The following ELMO1 variants were observed in gnomAD, a reference collection of about 807,000 sequenced individuals.
ELMO1 encodes engulfment and cell motility protein 1.
In ELMO1, 26 loss-of-function variants were observed where a neutral mutation model predicts 98.9. That is an observed-to-expected ratio of 0.26 (90% confidence interval 0.19 to 0.36). ELMO1 has a LOEUF of 0.36. ELMO1 is among the 10% of genes least tolerant of loss of function. The probability of loss-of-function intolerance (pLI) is 1.00; values close to 1 mark genes in which losing one functional copy is unlikely to be tolerated. For missense variants in ELMO1, 627 were observed against 935.2 expected (o/e 0.67, Z 4.30); for synonymous variants, 346 against 346.0 (o/e 1.00, Z 0.00).
intron 1 of ELMO1, among the ~76,000 whole-genome samples, chr7:37,387,786 G>C (rs1170038542): frequency 1.3e-5 from 2 of 152,190 alleles, no homozygotes; most frequent in African/African-American, 4.8e-5. Context: ...AAATCAATCT[G>C]TTTGCTTTAT....
chr7:37,151,047 C>G (rs1788322578), intron 13 of ELMO1, among the ~76,000 whole-genome samples: 1 of 152,190 alleles, frequency 6.6e-6, no homozygotes, highest in Non-Finnish European at 1.5e-5. Flanking sequence ...CCCAAGTCAG[C>G]CCTCTGCAGT....
At chr7:36,878,153 T>C (rs768811227) in intron 18 of ELMO1, 36 bp from the exon 19 acceptor site, 24 of 1,522,556 alleles carry the variant, frequency 1.6e-5, no homozygotes, top group Non-Finnish European at 1.6e-5. Context: ...AGGTAAGTGA[T>C]TGTGGTTTAT....
chr7:37,052,166 G>C (rs1796143269), intron 15 of ELMO1, among the ~76,000 whole-genome samples: 2 of 152,166 alleles, frequency 1.3e-5, no homozygotes, highest in South Asian at 4.1e-4. Flanking sequence ...CCCACAGAAG[G>C]GCAGAAGCAC....
chr7:36,984,458 C>G (rs1791346647), intron 16 of ELMO1, among the ~76,000 whole-genome samples: 1 of 152,198 alleles, frequency 6.6e-6, no homozygotes, highest in Non-Finnish European at 1.5e-5. Flanking sequence ...CTCCCAGACA[C>G]CCAGTCGCCC....
chr7:37,357,915 T>C (rs879124645), intron 1 of ELMO1, among the ~76,000 whole-genome samples: 5 of 152,192 alleles, frequency 3.3e-5, no homozygotes, highest in Admixed American at 3.3e-4. Context: ...AATGCATAGA[T>C]AAATAAGATC....
At chr7:37,257,218 C>T (rs1795712991) in intron 6 of ELMO1, among the ~76,000 whole-genome samples, 1 of 152,212 alleles carries the variant, frequency 6.6e-6, no homozygotes, top group South Asian at 2.1e-4. Flanking sequence ...CAGGAAGGGA[C>T]ATTCCTTCCT....
At chr7:37,116,994 T>C (rs528024279) in intron 14 of ELMO1, 1 of 212,422 alleles carries the variant, frequency 4.7e-6, no homozygotes, top group East Asian at 1.1e-4. Flanking sequence ...CTCCATCAAG[T>C]TGTGGGAGGA....
In ELMO1 at chr7:37,331,238, C is replaced by T. The variant is rs191946704; in HGVS notation, c.78+11375G>A. ...AAGTTGGAGTGCAGTGGTGCAATCTCGGCTCACTGCAAGCTCTGCCTCCCG... is the reference window on the plus strand; with the variant it reads ...AAGTTGGAGTGCAGTGGTGCAATCTTGGCTCACTGCAAGCTCTGCCTCCCG... On this transcript the variant is annotated intron_variant, in intron 2 of 21. Transcript: ENST00000310758. 4.9e-3 allele frequency among the ~76,000 whole-genome samples: 741 copies of T among 150,632 alleles called. 3 individuals carry two copies. Among genetic ancestry groups the T allele is most frequent in the Non-Finnish European group, 7.9e-3 (534 of 67,774 alleles).
At chr7:37,397,509 C>T (rs1354242910) in intron 1 of ELMO1, among the ~76,000 whole-genome samples, 1 of 152,136 alleles carries the variant, frequency 6.6e-6, no homozygotes. Context: ...TGCAGCTGGA[C>T]CCCTCAGATC....
chr7:37,049,646 G>A (rs766794162), intron 15 of ELMO1, among the ~76,000 whole-genome samples: 1 of 152,010 alleles, frequency 6.6e-6, no homozygotes, highest in Non-Finnish European at 1.5e-5. Context: ...GCTTTCTTCA[G>A]GAGGAGAGGG....
intron 1 of ELMO1, among the ~76,000 whole-genome samples, chr7:37,381,265 C>G (rs1414394152): frequency 6.6e-6 from 1 of 152,248 alleles, no homozygotes; most frequent in Non-Finnish European, 1.5e-5. Context: ...TGTCCAACTT[C>G]ACAGTCCGTG....
At chr7:37,162,287 G>C (rs1017681234) in intron 13 of ELMO1, among the ~76,000 whole-genome samples, 2 of 152,096 alleles carry the variant, frequency 1.3e-5, no homozygotes, top group African/African-American at 4.8e-5. Flanking sequence ...CCAGGTGCTG[G>C]AGGGGCAAAG....
In ELMO1 at chr7:37,349,339, C is replaced by T. The variant is rs182562589; in HGVS notation, c.-73-6576G>A. On this transcript the variant is annotated intron_variant, in intron 1 of 21. Coordinates refer to ENST00000310758, the MANE Select transcript of ELMO1 (RefSeq NM_014800.11). ...TAGAAAAAGACATAGACCACATTTT[C>T]CCCTTGCATTAGGTTAGGCAGAAAG... 7.2e-5 allele frequency among the ~76,000 whole-genome samples: 11 copies of T among 152,318 alleles called. No homozygotes were observed. The East Asian group carries it at 1.9e-3, about 27-fold the overall frequency.
chr7:37,128,010 C>T (rs764163518), intron 14 of ELMO1, among the ~76,000 whole-genome samples: 12 of 151,976 alleles, frequency 7.9e-5, no homozygotes, highest in African/African-American at 4.8e-5. Context: ...CTGGCCAACA[C>T]GGCGAAACCC....
At chr7:36,999,497 G>A (rs78349376) in intron 16 of ELMO1, among the ~76,000 whole-genome samples, 1,596 of 152,294 alleles carry the variant, frequency 0.01, 42 homozygotes, top group East Asian at 0.069. Flanking sequence ...GCTAGGGTGT[G>A]AATCCCACTC....
intron 16 of ELMO1, among the ~76,000 whole-genome samples, chr7:36,949,472 C>T (rs1787788188): frequency 6.6e-6 from 1 of 152,026 alleles, no homozygotes; most frequent in Non-Finnish European, 1.5e-5. Flanking sequence ...GCCACACCCT[C>T]TCTCGGTGGC....
chr7:37,440,270 T>G (rs938129858), intron 1 of ELMO1, among the ~76,000 whole-genome samples: 1 of 151,892 alleles, frequency 6.6e-6, no homozygotes, highest in African/African-American at 2.4e-5. Flanking sequence ...GGTGAAACCT[T>G]GTCTCCACTA....
At chr7:37,022,757 G>C (rs923889483) in intron 15 of ELMO1, among the ~76,000 whole-genome samples, 12 of 152,092 alleles carry the variant, frequency 7.9e-5, no homozygotes, top group African/African-American at 2.9e-4. Flanking sequence ...GCATACATAC[G>C]CATTCCAAGA....
intron 15 of ELMO1, among the ~76,000 whole-genome samples, chr7:37,053,331 C>CACACACAG (rs1491059293): frequency 6.8e-6 from 1 of 147,622 alleles, no homozygotes; most frequent in African/African-American, 2.5e-5. Context: ...CACACACACA[C>CACACACAG]AGAAAACAAC....
Sources: allele counts gnomAD v4.1 joint callset (sites outside exome capture counted in the v4.1 genomes callset), GRCh38; gene constraint gnomAD v4.1.1; transcripts MANE v1.5; gene names NCBI Gene and HGNC (gene_info 2026-07-23, HGNC 2026-07-21).